The following GLRB variants were observed in gnomAD, a reference collection of about 807,000 sequenced individuals.
The protein encoded by GLRB is glycine receptor subunit beta.
In GLRB, 33 loss-of-function variants were observed where a neutral mutation model predicts 54.2. The observed-to-expected ratio is 0.61, with a 90% CI of 0.46 to 0.81. The LOEUF is 0.81. Ranked by LOEUF, GLRB falls within the 40% of genes least tolerant of loss-of-function variation. GLRB has a pLI of 0.00. For missense variants in GLRB, 572 were observed against 584.6 expected, an observed-to-expected ratio of 0.98 and a Z score of 0.22; for synonymous variants, 209 against 208.2, an observed-to-expected ratio of 1.00 and a Z score of -0.03.
At chr4:157,123,632 A>T (rs1434798208) in intron 4 of GLRB, among the ~76,000 whole-genome samples, 1 of 151,786 alleles carries the variant, frequency 6.6e-6, no homozygotes, top group Admixed American at 6.6e-5. Flanking sequence ...TAAAATATAA[A>T]CTACTATATA....
At chr4:157,092,414 A>T (rs936165280) in intron 2 of GLRB, among the ~76,000 whole-genome samples, 7 of 152,356 alleles carry the variant, frequency 4.6e-5, no homozygotes, top group African/African-American at 1.7e-4. Context: ...ATATTCTACA[A>T]GTTGGATTAC....
chr4:157,120,726 A>G (rs889797413), intron 3 of GLRB, 64 bp downstream of exon 3: 1 of 773,998 alleles, frequency 1.3e-6, no homozygotes, highest in Non-Finnish European at 2.2e-6. Context: ...ATGTTTAGAG[A>G]TTTGTGATAT....
intron 2 of GLRB, among the ~76,000 whole-genome samples, chr4:157,116,409 G>T (rs1238167188): frequency 1.3e-5 from 2 of 151,590 alleles, no homozygotes; most frequent in Non-Finnish European, 1.5e-5. Flanking sequence ...AAACAAAATA[G>T]CATAGTCAAA....
intron 8 of GLRB, among the ~76,000 whole-genome samples, chr4:157,145,690 A>C (rs887650887): frequency 2.0e-5 from 3 of 152,200 alleles, no homozygotes; most frequent in African/African-American, 7.2e-5. Flanking sequence ...CACCAAATAA[A>C]TATAATATAT....
In GLRB at chr4:157,171,184, G is replaced by C. The variant is rs920762582; in HGVS notation, c.*456G>C. ...GATGGTATTATCACAGATTTAAAAA[G>C]GTTGTATTACATATTGTTTAAACTT... On this transcript the variant is annotated 3_prime_UTR_variant, in exon 10 of 10. Coordinates refer to ENST00000264428, the MANE Select transcript of GLRB (RefSeq NM_000824.5). 1 of 152,526 alleles carries C rather than the reference G, an allele frequency of 6.6e-6. No homozygotes were observed. Among genetic ancestry groups the C allele is most frequent in the African/African-American group, 2.4e-5 (1 of 41,400 alleles). The allele number at this position is 152,526 out of a possible 1,614,324, so 9.4% of individuals were successfully genotyped here.
chr4:157,148,250 T>C (rs2126593059), intron 8 of GLRB, among the ~76,000 whole-genome samples: 1 of 152,306 alleles, frequency 6.6e-6, no homozygotes, highest in South Asian at 2.1e-4. Flanking sequence ...TATTATTAAA[T>C]AGTGAATTTT....
chr4:157,168,636 C>A (rs1737806537), intron 9 of GLRB, among the ~76,000 whole-genome samples: 1 of 151,896 alleles, frequency 6.6e-6, no homozygotes, highest in Admixed American at 6.6e-5. Flanking sequence ...TTTCAAATAT[C>A]AAATGTATAG....
chr4:157,125,557 T>C (rs946018596), intron 4 of GLRB, among the ~76,000 whole-genome samples: 28 of 151,884 alleles, frequency 1.8e-4, no homozygotes, highest in Non-Finnish European at 3.7e-4. Context: ...TATTTCTAAT[T>C]GTATTAGCAG....
intron 4 of GLRB, among the ~76,000 whole-genome samples, chr4:157,129,076 G>A (rs746122118): frequency 1.1e-4 from 16 of 151,770 alleles, no homozygotes; most frequent in Non-Finnish European, 1.9e-4. Flanking sequence ...ATAGTGTCTT[G>A]TTGTGAAATG....
intron 4 of GLRB, among the ~76,000 whole-genome samples, chr4:157,128,556 C>A (rs527253198): frequency 1.1e-4 from 17 of 151,886 alleles, no homozygotes; most frequent in African/African-American, 2.2e-4. Flanking sequence ...GTATTGGATG[C>A]TTTTTATACT....
chr4:157,101,912 T>C (rs1735045709), intron 2 of GLRB, among the ~76,000 whole-genome samples: 1 of 152,096 alleles, frequency 6.6e-6, no homozygotes, highest in South Asian at 2.1e-4. Flanking sequence ...CTACATTCAT[T>C]GACATTTCAT....
At chr4:157,160,702 T>C (rs1394444979) in intron 9 of GLRB, among the ~76,000 whole-genome samples, 1 of 152,100 alleles carries the variant, frequency 6.6e-6, no homozygotes, top group East Asian at 1.9e-4. Flanking sequence ...AGAGACAGTT[T>C]GTTATAATTT....
intron 9 of GLRB, among the ~76,000 whole-genome samples, chr4:157,158,992 C>A (rs1248947221): frequency 2.0e-5 from 3 of 152,072 alleles, no homozygotes; most frequent in Non-Finnish European, 4.4e-5. Context: ...TTGTTTGTGT[C>A]CTCTTTTATT....
At chr4:157,126,962 C>A (rs1736036419) in intron 4 of GLRB, among the ~76,000 whole-genome samples, 1 of 151,660 alleles carries the variant, frequency 6.6e-6, no homozygotes, top group South Asian at 2.1e-4. Flanking sequence ...AATTCATGAT[C>A]CTGTCAGACT....
At chr4:157,077,403 A>C (rs1285076021) in intron 1 of GLRB, among the ~76,000 whole-genome samples, 1 of 152,118 alleles carries the variant, frequency 6.6e-6, no homozygotes, top group East Asian at 1.9e-4. Context: ...GTAGCTTGCC[A>C]ATGTAATGTG....
At chr4:157,090,865 GGT>G (rs1734584741) in intron 2 of GLRB, among the ~76,000 whole-genome samples, 12 of 152,048 alleles carry the variant, frequency 7.9e-5, no homozygotes, top group Admixed American at 7.9e-4. Flanking sequence ...TCAAACTCAT[GGT>G]GGCTAATATT....
At chr4:157,144,150 A>G (rs1736720418) in intron 8 of GLRB, among the ~76,000 whole-genome samples, 191 bp downstream of exon 8, 1 of 152,170 alleles carries the variant, frequency 6.6e-6, no homozygotes, top group Admixed American at 6.5e-5. Context: ...TAATTAAGCT[A>G]AGTTTCTCTT....
intron 8 of GLRB, among the ~76,000 whole-genome samples, chr4:157,146,283 G>A (rs1736805982): frequency 6.6e-6 from 1 of 151,964 alleles, no homozygotes; most frequent in Admixed American, 6.6e-5. Context: ...CCAAAGTGCT[G>A]GGATTACAGG....
chr4:157,130,076 G>T (rs1350212819), intron 4 of GLRB, among the ~76,000 whole-genome samples: 1 of 151,588 alleles, frequency 6.6e-6, no homozygotes, highest in East Asian at 1.9e-4. Flanking sequence ...CATGTACTTT[G>T]CATATAACAT....
Sources: allele counts gnomAD v4.1 joint callset (sites outside exome capture counted in the v4.1 genomes callset), GRCh38; gene constraint gnomAD v4.1.1; transcripts MANE v1.5; gene names NCBI Gene and HGNC (gene_info 2026-07-23, HGNC 2026-07-21).